MSH4: variants seen among roughly 807,000 people sequenced by gnomAD.
The protein encoded by MSH4 is mutS homolog 4.
MSH4 carries 106 observed loss-of-function variants against 113.7 expected under a neutral mutation model. The ratio of observed to expected loss-of-function variants is 0.93; its 90% CI spans 0.80 to 1.10. MSH4 has a LOEUF of 1.10. Ranked by LOEUF, MSH4 falls within the 50% of genes least tolerant of loss-of-function variation. The pLI, the probability that MSH4 is intolerant of heterozygous loss-of-function variation, is 0.00. For missense variants in MSH4, 1,061 were observed against 1,093.7 expected (o/e 0.97, Z 0.42); for synonymous variants, 368 against 380.2 (o/e 0.97, Z 0.37).
At chr1:75,863,775 T>C (rs1651509161) in intron 8 of MSH4, among the ~76,000 whole-genome samples, 1 of 152,212 alleles carries the variant, frequency 6.6e-6, no homozygotes, top group Non-Finnish European at 1.5e-5. Flanking sequence ...TCTCATTTTC[T>C]TCTTTTGCCT....
chr1:75,852,361 G>C (rs1312414364), intron 8 of MSH4, among the ~76,000 whole-genome samples: 1 of 152,078 alleles, frequency 6.6e-6, no homozygotes, highest in Non-Finnish European at 1.5e-5. Context: ...GGTTTTTCTA[G>C]GGACATACAT....
At chr1:75,854,413 G>T (rs10465725) in intron 8 of MSH4, among the ~76,000 whole-genome samples, 1 of 151,928 alleles carries the variant, frequency 6.6e-6, no homozygotes, top group East Asian at 1.9e-4. Flanking sequence ...GCCCTTCTAC[G>T]CAGAGGAGGC....
At position 75,885,960 on chromosome 1, in the gene MSH4, T is replaced by TTA. The variant is rs1449914928; in HGVS notation, c.2107+2144_2107+2145dup. The stretch of plus-strand genomic sequence containing the variant: ...TAACATATATAATATATATGATGTA[T>TTA]TATATAGCATGTATAGTATATATGA... On this transcript the variant is annotated intron_variant, in intron 15 of 19. Transcript: ENST00000263187. 6.4e-3 allele frequency among the ~76,000 whole-genome samples: 669 copies of TTA among 104,684 alleles called. 22 individuals carry two copies. Among genetic ancestry groups the TTA allele is most frequent in the African/African-American group, 0.017 (404 of 24,356 alleles). 68.7% of individuals were successfully genotyped at this position (104,684 alleles called of 152,430 possible).
chr1:75,857,306 G>A (rs1651341547), intron 8 of MSH4, among the ~76,000 whole-genome samples: 1 of 152,142 alleles, frequency 6.6e-6, no homozygotes, highest in South Asian at 2.1e-4. Flanking sequence ...GGTCCCACTT[G>A]TCAATTTTGG....
At chr1:75,889,911 C>T (rs895629471) in intron 16 of MSH4, among the ~76,000 whole-genome samples, 6 of 152,014 alleles carry the variant, frequency 3.9e-5, no homozygotes, top group African/African-American at 1.4e-4. Context: ...GGAAAATTTT[C>T]TTCAAGTAGA....
chr1:75,883,081 T>G (rs1292051726), intron 14 of MSH4, among the ~76,000 whole-genome samples: 1 of 151,910 alleles, frequency 6.6e-6, no homozygotes, highest in East Asian at 1.9e-4. Context: ...CTCAGCTCAC[T>G]GCAGTCTTCA....
intron 3 of MSH4, 99 bp from the exon 4 acceptor site, chr1:75,810,598 G>T (rs986863815): frequency 5.8e-6 from 3 of 513,660 alleles, no homozygotes; most frequent in Non-Finnish European, 1.0e-5. Context: ...TTATAATTTT[G>T]TGTATCTATG....
Position 75,816,442 on chromosome 1 carries a change from A to T in MSH4, c.885A>T (p.Ala295=), listed in dbSNP as rs751398721. 1.2e-6 allele frequency: 2 copies of T among 1,610,800 alleles called. No homozygotes were observed. Among genetic ancestry groups the T allele is most frequent in the South Asian group, 2.2e-5 (2 of 90,522 alleles). Residue 295 remains alanine (A), a synonymous_variant, in exon 6 of 20, where the codon GCA becomes GCT. Coordinates refer to ENST00000263187, the MANE Select transcript of MSH4 (RefSeq NM_002440.4). Reference sequence around the variant, plus strand: ...AATTTATTCAAAATTCAGTTTATGCACCAAAATCACTGAAGATTTGTTTCC... The same window carrying T: ...AATTTATTCAAAATTCAGTTTATGCTCCAAAATCACTGAAGATTTGTTTCC... The part of the protein sequence containing the change: ...YVEFIQNSVY[A]PKSLKICFQG...
chr1:75,834,672 T>C (rs1650789119), intron 7 of MSH4, among the ~76,000 whole-genome samples: 1 of 152,026 alleles, frequency 6.6e-6, no homozygotes, highest in African/African-American at 2.4e-5. Flanking sequence ...GAGCAAACTA[T>C]CACAAGGACA....
chr1:75,876,587 A>C (rs1234797444), intron 9 of MSH4, among the ~76,000 whole-genome samples: 1 of 152,140 alleles, frequency 6.6e-6, no homozygotes, highest in Non-Finnish European at 1.5e-5. Context: ...ATGTATATCT[A>C]ACCTAAATTT....
At chr1:75,901,686 G>C (rs1467574181) in intron 19 of MSH4, among the ~76,000 whole-genome samples, 1 of 152,062 alleles carries the variant, frequency 6.6e-6, no homozygotes, top group Non-Finnish European at 1.5e-5. Flanking sequence ...CAGTAGGACT[G>C]CTGGATCATA....
intron 3 of MSH4, among the ~76,000 whole-genome samples, chr1:75,809,591 AC>A (rs1355946664): frequency 2.0e-5 from 3 of 149,974 alleles, no homozygotes; most frequent in Non-Finnish European, 4.4e-5. Flanking sequence ...GTTAATCTGT[AC>A]CAGTGTGGCC....
In MSH4 at chr1:75,797,184, A is replaced by AGCAGCAGCC; in HGVS notation, c.200_208dup (p.Ser69_Leu70insArgSerSer). ...AGCTGCGGGCGACCGGAGCAGCAGC[A>AGCAGCAGCC]GCAGCAGCCTTCCCTGCCCCGCGCC... On this transcript the variant is annotated inframe_insertion, in exon 1 of 20. Coordinates refer to ENST00000263187, the MANE Select transcript of MSH4 (RefSeq NM_002440.4). 1 of 1,609,782 alleles carries AGCAGCAGCC rather than the reference A, an allele frequency of 6.2e-7. No individual in the cohort carries two copies. Among genetic ancestry groups the AGCAGCAGCC allele is most frequent in the Non-Finnish European group, 8.5e-7 (1 of 1,178,194 alleles).
intron 7 of MSH4, among the ~76,000 whole-genome samples, chr1:75,833,911 A>G (rs954879216): frequency 2.6e-5 from 4 of 152,216 alleles, no homozygotes; most frequent in Non-Finnish European, 5.9e-5. Flanking sequence ...AAGCAATGGC[A>G]ACAAAAGCCA....
chr1:75,899,637 G>A lies in MSH4; in HGVS notation c.2550G>A (p.Val850=), dbSNP rs115082831. 1.4e-4 allele frequency: 217 copies of A among 1,501,422 alleles called. 1 individual carries two copies. The East Asian group carries it at 4.6e-3, about 32-fold the overall frequency. 93.0% of individuals were successfully genotyped at this position (1,501,422 alleles called of 1,614,324 possible). A position where few individuals can be genotyped will look rare whatever the true frequency, so the allele number is the denominator to read the frequency against. The change falls in exon 19 of 20, where the codon GTG becomes GTA. Residue 850 remains valine (V), a synonymous_variant. Transcript: ENST00000263187. ...TTCTAGGATTAAAAGCTGCAGAGGT[G>A]TCATCACTTCCACCATCAATTGTCT... The part of the protein sequence containing the change: ...EKNYGLKAAE[V]SSLPPSIVLD...
rs77789198 is a variant in MSH4, at chr1:75,811,675, T to C, written c.699+868T>C. 1.0e-3 allele frequency among the ~76,000 whole-genome samples: 154 copies of C among 152,334 alleles called. 3 individuals carry two copies. In the East Asian group the frequency reaches 0.028, roughly 28 times the overall value. On this transcript the variant is annotated intron_variant, in intron 4 of 19. Coordinates refer to ENST00000263187, the MANE Select transcript of MSH4 (RefSeq NM_002440.4). The stretch of plus-strand genomic sequence containing the variant: ...ACTGTGGAACCTTATCCAACAAGAA[T>C]GGGGGCTGTGGCTCCAAACCAAGTA...
At chr1:75,825,162 T>C (rs1650520083) in intron 7 of MSH4, among the ~76,000 whole-genome samples, 1 of 152,166 alleles carries the variant, frequency 6.6e-6, no homozygotes. Flanking sequence ...GTAGTTCTCA[T>C]TGAAGAGGTC....
At chr1:75,843,356 A>T (rs1195850531) in intron 7 of MSH4, among the ~76,000 whole-genome samples, 1 of 152,144 alleles carries the variant, frequency 6.6e-6, no homozygotes, top group East Asian at 1.9e-4. Flanking sequence ...GCACACGGGG[A>T]GAAACTCACC....
At chr1:75,890,914 T>C in intron 17 of MSH4, 90 bp downstream of exon 17, 1 of 1,168,356 alleles carries the variant, frequency 8.6e-7, no homozygotes, top group Non-Finnish European at 1.2e-6. Flanking sequence ...CACAAATAGC[T>C]TTTAAAACAA....
Sources: allele counts gnomAD v4.1 joint callset (sites outside exome capture counted in the v4.1 genomes callset), GRCh38; gene constraint gnomAD v4.1.1; transcripts MANE v1.5; gene names NCBI Gene and HGNC (gene_info 2026-07-23, HGNC 2026-07-21).